Variants in LRP1B observed in about 807,000 individuals in gnomAD.
The protein encoded by LRP1B is low-density lipoprotein receptor-related protein 1B.
In LRP1B, 217 loss-of-function variants were observed where a neutral mutation model predicts 556.6. That is an observed-to-expected ratio of 0.39 (90% confidence interval 0.35 to 0.44). LRP1B has a LOEUF of 0.44. LRP1B is among the 20% of genes least tolerant of loss of function. The pLI is 1.00. For missense variants in LRP1B, 5,053 were observed against 5,620.8 expected (o/e 0.90, Z 3.23); for synonymous variants, 2,047 against 1,865.8 (o/e 1.10, Z -2.50).
chr2:141,268,990 C>T (rs1684992356), intron 3 of LRP1B, among the ~76,000 whole-genome samples: 4 of 152,174 alleles, frequency 2.6e-5, no homozygotes, highest in Admixed American at 2.6e-4. Flanking sequence ...CTCAGCATGA[C>T]ACTTGTAAAG....
At chr2:140,596,299 A>G (rs1308573813) in intron 43 of LRP1B, among the ~76,000 whole-genome samples, 1 of 152,216 alleles carries the variant, frequency 6.6e-6, no homozygotes, top group Non-Finnish European at 1.5e-5. Flanking sequence ...CTATGTAAAG[A>G]GTATTTCAAA....
In LRP1B at chr2:140,371,255, A is replaced by T. The variant is rs774494694; in HGVS notation, c.10799T>A (p.Ile3600Lys). 2.5e-6 allele frequency: 4 copies of T among 1,594,390 alleles called. No individual in the cohort carries two copies. The South Asian group carries it at 3.4e-5, about 14-fold the overall frequency. ...TGAAATACATCCATCACTGGCACAT[A>T]TATATTCACGTGATGAGCAAGTAGG... ...ASPTCSSREY[I>K]CASDGCISAS... is the part of the protein sequence containing the mutation. The change falls in exon 70 of 91, where the codon ATA becomes AAA. Residue 3600 changes from isoleucine (I) to lysine (K), a missense_variant. Around this residue, in one of 5 missense-constraint regions of LRP1B, gnomAD observed 599 missense variants for 648.4 expected, o/e 0.92. Transcript: ENST00000389484.
intron 7 of LRP1B, among the ~76,000 whole-genome samples, chr2:141,092,666 GA>G (rs1700197272): frequency 6.6e-6 from 1 of 152,176 alleles, no homozygotes; most frequent in Non-Finnish European, 1.5e-5. Context: ...AACCACACAG[GA>G]AGCTGTGATG....
At chr2:141,409,628 T>C (rs1278757638) in intron 3 of LRP1B, among the ~76,000 whole-genome samples, 1 of 152,074 alleles carries the variant, frequency 6.6e-6, no homozygotes, top group Non-Finnish European at 1.5e-5. Context: ...ATGGATACAG[T>C]AGTGCCAAAG....
chr2:141,935,195 G>A (rs1700602252), intron 1 of LRP1B, among the ~76,000 whole-genome samples: 1 of 152,076 alleles, frequency 6.6e-6, no homozygotes, highest in South Asian at 2.1e-4. Flanking sequence ...GGAAAATAAA[G>A]CATTTTAAAC....
At chr2:141,849,181 A>G (rs2105771579) in intron 1 of LRP1B, among the ~76,000 whole-genome samples, 1 of 151,698 alleles carries the variant, frequency 6.6e-6, no homozygotes, top group Non-Finnish European at 1.5e-5. Flanking sequence ...CTTGCATCTA[A>G]TGCTTAACTA....
At chr2:141,293,124 G>A (rs1686041224) in intron 3 of LRP1B, among the ~76,000 whole-genome samples, 1 of 152,130 alleles carries the variant, frequency 6.6e-6, no homozygotes, top group South Asian at 2.1e-4. Flanking sequence ...AGAATTTTAA[G>A]TGGTGAGATG....
At chr2:141,130,114 G>A (rs1387896753) in intron 7 of LRP1B, among the ~76,000 whole-genome samples, 1 of 151,986 alleles carries the variant, frequency 6.6e-6, no homozygotes, top group East Asian at 1.9e-4. Context: ...ACAAGGTAGA[G>A]TGGCCATTAA....
intron 41 of LRP1B, among the ~76,000 whole-genome samples, chr2:140,651,526 TA>T (rs558677783): frequency 0.52 from 56,061 of 106,970 alleles, 13,622 homozygotes; most frequent in Middle Eastern, 0.61. Flanking sequence ...ATACAAAAAT[TA>T]AAAAAAAAAA....
chr2:141,790,289 T>C (rs551665841), intron 2 of LRP1B, among the ~76,000 whole-genome samples: 78 of 151,548 alleles, frequency 5.1e-4, no homozygotes, highest in African/African-American at 1.9e-3. Context: ...CCCTACAATA[T>C]ACATTCTTAG....
chr2:141,213,612 T>C (rs1162085795), intron 6 of LRP1B, among the ~76,000 whole-genome samples: 1 of 152,190 alleles, frequency 6.6e-6, no homozygotes, highest in African/African-American at 2.4e-5. Flanking sequence ...CAGCCTGGAT[T>C]CAATTTATTT....
At chr2:140,603,956 A>ATG (rs753031388) in intron 41 of LRP1B, among the ~76,000 whole-genome samples, 2 of 151,994 alleles carry the variant, frequency 1.3e-5, no homozygotes, top group South Asian at 2.1e-4. Context: ...TGGCATGTAT[A>ATG]TGTGTGTGTG....
At chr2:142,015,991 C>CAAAAAAAAAAAAAAAAAAAAAAAAAAA (rs70994471) in intron 1 of LRP1B, among the ~76,000 whole-genome samples, 2 of 38,796 alleles carry the variant, frequency 5.2e-5, no homozygotes. Context: ...GACTCCATCT[C>CAAAAAAAAAAAAAAAAAAAAAAAAAAA]AAAAAAAAAA....
intron 14 of LRP1B, among the ~76,000 whole-genome samples, chr2:141,008,155 GC>G (rs1697633426): frequency 6.6e-6 from 1 of 151,116 alleles, no homozygotes; most frequent in African/African-American, 2.4e-5. Flanking sequence ...CAAATATGGT[GC>G]TAAAAATTTT....
At chr2:141,291,763 G>A (rs1685962368) in intron 3 of LRP1B, among the ~76,000 whole-genome samples, 1 of 149,202 alleles carries the variant, frequency 6.7e-6, no homozygotes, top group African/African-American at 2.5e-5. Context: ...GGCTGAGGCA[G>A]GAGAATGGCG....
chr2:141,302,038 C>G (rs982663029), intron 3 of LRP1B, among the ~76,000 whole-genome samples: 1 of 151,876 alleles, frequency 6.6e-6, no homozygotes, highest in East Asian at 1.9e-4. Flanking sequence ...TACATATATA[C>G]AATAAAAACA....
chr2:141,649,278 A>T (rs1689696870), intron 2 of LRP1B, among the ~76,000 whole-genome samples: 2 of 152,220 alleles, frequency 1.3e-5, no homozygotes, highest in Non-Finnish European at 2.9e-5. Flanking sequence ...ATTTCTGAAG[A>T]TGAAGCAGCA....
At position 140,323,890 on chromosome 2, in the gene LRP1B, T is replaced by C. The variant is rs2105058849; in HGVS notation, c.12514+3A>G. The C allele has an allele frequency of 7.2e-7, 1 of 1,393,938 alleles. No homozygotes were observed. The highest frequency in any genetic ancestry group is 1.0e-6 in the Non-Finnish European group (1 of 985,468). 86.3% of individuals were successfully genotyped at this position (1,393,938 alleles called of 1,614,324 possible). The stretch of plus-strand genomic sequence containing the variant: ...AGACAACTTCATAATATATTATACT[T>C]ACAATCTAGTTGTTTATAACGATGA... On this transcript the variant is annotated splice_donor_region_variant and intron_variant, in intron 81 of 90. Transcript: ENST00000389484.
intron 41 of LRP1B, among the ~76,000 whole-genome samples, chr2:140,620,509 A>T (rs1456460400): frequency 1.3e-5 from 2 of 152,238 alleles, no homozygotes; most frequent in East Asian, 3.8e-4. Context: ...GTATGCATTA[A>T]TCTACCTATA....
Sources: gnomAD v4.1 joint callset for allele counts (sites outside exome capture counted in the v4.1 genomes callset) on GRCh38, gnomAD v4.1.1 for gene constraint, gnomAD v4.1.1 regional missense constraint, MANE v1.5 for transcripts, NCBI Gene and HGNC (gene_info 2026-07-23, HGNC 2026-07-21) for gene names.